The following SLC30A8 variants were observed in gnomAD, a reference collection of about 807,000 sequenced individuals.
SLC30A8 encodes the protein solute carrier family 30 member 8.
In SLC30A8, 27 loss-of-function variants were observed where a neutral mutation model predicts 36.9. The observed-to-expected ratio is 0.73, with a 90% CI of 0.54 to 1.01. The LOEUF is 1.01. SLC30A8 is among the 50% of genes least tolerant of loss of function. SLC30A8 has a pLI of 0.00. For missense variants in SLC30A8, 439 were observed against 452.0 expected, an observed-to-expected ratio of 0.97 and a Z score of 0.26; for synonymous variants, 164 against 172.4, an observed-to-expected ratio of 0.95 and a Z score of 0.38.
intron 2 of SLC30A8, among the ~76,000 whole-genome samples, chr8:117,121,496 T>C (rs773225611): frequency 7.9e-5 from 12 of 151,914 alleles, no homozygotes; most frequent in Non-Finnish European, 1.3e-4. Context: ...AGATGGTGCC[T>C]TCTTGTTGTG....
intron 2 of SLC30A8, among the ~76,000 whole-genome samples, chr8:117,079,422 C>T (rs1473897780): frequency 6.6e-6 from 1 of 152,160 alleles, no homozygotes. Context: ...ACATATCTAG[C>T]ACCTCCACCA....
rs200217132 is a variant in SLC30A8 at position 117,038,772 on chromosome 8, A to G, written c.-265-447A>G. 5.3e-5 allele frequency among the ~76,000 whole-genome samples: 8 copies of G among 152,324 alleles called. No individual in the cohort carries two copies. The East Asian group carries it at 1.3e-3, about 26-fold the overall frequency. ...GATGCTCCACACTTTGGCCAATCTG[A>G]AGCATTTTCTGTATTCTTCACAATT... On this transcript the variant is annotated intron_variant, in intron 1 of 10. Transcript: ENST00000427715.
At chr8:117,169,730 T>C (rs1255420638) in intron 6 of SLC30A8, among the ~76,000 whole-genome samples, 4 of 152,014 alleles carry the variant, frequency 2.6e-5, no homozygotes, top group African/African-American at 4.8e-5. Flanking sequence ...AGAAGGCACG[T>C]CACATGATGG....
intron 2 of SLC30A8, among the ~76,000 whole-genome samples, chr8:117,113,702 G>A (rs1258450272): frequency 6.6e-6 from 1 of 152,144 alleles, no homozygotes; most frequent in Non-Finnish European, 1.5e-5. Context: ...TAGTTATACA[G>A]AAGTTGTTGT....
At chr8:117,033,923 G>A (rs72685393) in intron 1 of SLC30A8, among the ~76,000 whole-genome samples, 54 of 152,266 alleles carry the variant, frequency 3.5e-4, no homozygotes, top group Non-Finnish European at 3.5e-4. Flanking sequence ...TTTTTCCTAA[G>A]CTAAAAAAGG....
intron 2 of SLC30A8, among the ~76,000 whole-genome samples, chr8:117,064,743 C>T (rs1029573782): frequency 1.5e-4 from 23 of 152,318 alleles, no homozygotes; most frequent in African/African-American, 4.3e-4. Flanking sequence ...ACTTTCTCTG[C>T]GCCAGGAGGC....
rs1823473206 is a variant in SLC30A8, at chr8:117,173,060, C to A, written c.*379C>A. 1 of 172,864 alleles carries A rather than the reference C, an allele frequency of 5.8e-6. No homozygotes were observed. The highest frequency in any genetic ancestry group is 1.2e-5 in the Non-Finnish European group (1 of 81,774). The allele number at this position is 172,864 out of a possible 1,614,324, so 10.7% of individuals were successfully genotyped here. A position where few individuals can be genotyped will look rare whatever the true frequency, so the allele number is the denominator to read the frequency against. On this transcript the variant is annotated 3_prime_UTR_variant, in exon 8 of 8. Transcript: ENST00000456015. ...TCTTACTAGAAATCAGTGGAAGGGACAAATAGTCACAAAATTTTACCAAAA... is the reference window on the plus strand; with the variant it reads ...TCTTACTAGAAATCAGTGGAAGGGAAAAATAGTCACAAAATTTTACCAAAA...
chr8:117,093,454 C>T (rs1383680327), intron 2 of SLC30A8, among the ~76,000 whole-genome samples: 3 of 151,836 alleles, frequency 2.0e-5, no homozygotes, highest in Non-Finnish European at 4.4e-5. Context: ...TCTCCCATTG[C>T]CCCTCAGTGG....
chr8:117,075,641 T>C (rs939654624), intron 2 of SLC30A8, among the ~76,000 whole-genome samples: 9 of 152,210 alleles, frequency 5.9e-5, no homozygotes, highest in African/African-American at 2.2e-4. Flanking sequence ...TCTTTTGGAC[T>C]GTTTAAATCG....
At chr8:116,975,963 G>C (rs926000580) in intron 1 of SLC30A8, among the ~76,000 whole-genome samples, 28 of 152,160 alleles carry the variant, frequency 1.8e-4, no homozygotes, top group African/African-American at 6.8e-4. Flanking sequence ...TAACAAGACA[G>C]CTCCTGTTCA....
intron 1 of SLC30A8, among the ~76,000 whole-genome samples, chr8:117,145,667 A>AT (rs370328045): frequency 6.6e-6 from 1 of 152,136 alleles, no homozygotes; most frequent in Non-Finnish European, 1.5e-5. Context: ...AGATCCATGG[A>AT]TTTTGACATC....
intron 1 of SLC30A8, among the ~76,000 whole-genome samples, chr8:117,032,333 T>C (rs561209140): frequency 2.0e-5 from 3 of 152,318 alleles, no homozygotes; most frequent in African/African-American, 7.2e-5. Flanking sequence ...TGTTCTGTAA[T>C]CAGTTCACCA....
intron 2 of SLC30A8, among the ~76,000 whole-genome samples, chr8:117,090,480 T>A (rs1192080199): frequency 6.6e-6 from 1 of 152,200 alleles, no homozygotes; most frequent in Non-Finnish European, 1.5e-5. Context: ...AGACTGAAAG[T>A]CCTGGATCAA....
At chr8:117,133,948 A>G (rs1020620637), upstream of SLC30A8, among the ~76,000 whole-genome samples, 3 of 151,926 alleles carry the variant, frequency 2.0e-5, no homozygotes, top group African/African-American at 7.2e-5. Flanking sequence ...ATATGAGAAG[A>G]CCTTAGAATT....
At chr8:117,149,046 G>A (rs1822038419) in intron 2 of SLC30A8, among the ~76,000 whole-genome samples, 1 of 151,900 alleles carries the variant, frequency 6.6e-6, no homozygotes, top group Non-Finnish European at 1.5e-5. Context: ...TATCTCTTTT[G>A]TGTGTTTCGT....
At chr8:117,103,340 T>C (rs932380963) in intron 2 of SLC30A8, among the ~76,000 whole-genome samples, 1 of 152,126 alleles carries the variant, frequency 6.6e-6, no homozygotes, top group Non-Finnish European at 1.5e-5. Context: ...TAATTCTCTG[T>C]GGCTTGATGC....
At chr8:117,042,754 C>A (rs1170139329) in intron 2 of SLC30A8, among the ~76,000 whole-genome samples, 6 of 152,064 alleles carry the variant, frequency 3.9e-5, no homozygotes, top group Non-Finnish European at 8.8e-5. Flanking sequence ...TGGATCACTG[C>A]AACCTCCGCC....
At chr8:117,132,227 A>G (rs1292491740), upstream of SLC30A8, among the ~76,000 whole-genome samples, 3 of 152,022 alleles carry the variant, frequency 2.0e-5, no homozygotes, top group Non-Finnish European at 2.9e-5. Flanking sequence ...TTATAAATCC[A>G]TATGTCCTTT....
At chr8:116,992,039 G>A (rs967870707) in intron 1 of SLC30A8, among the ~76,000 whole-genome samples, 3 of 152,092 alleles carry the variant, frequency 2.0e-5, no homozygotes, top group East Asian at 1.9e-4. Flanking sequence ...GGCTTTTTAC[G>A]TGTTACTTAT....
Sources: allele counts gnomAD v4.1 joint callset (sites outside exome capture counted in the v4.1 genomes callset), GRCh38; gene constraint gnomAD v4.1.1; transcripts MANE v1.5; gene names NCBI Gene and HGNC (gene_info 2026-07-23, HGNC 2026-07-21).